Variants in C3orf52 observed in about 807,000 individuals in gnomAD.
C3orf52 encodes the protein chromosome 3 open reading frame 52.
C3orf52 carries 22 observed loss-of-function variants against 24.8 expected under a neutral mutation model. That is an observed-to-expected ratio of 0.89 (90% CI 0.63 to 1.27). The LOEUF (loss-of-function observed/expected upper bound fraction) is 1.27. Ranked by LOEUF, C3orf52 falls within the 50% of genes most tolerant of loss-of-function variation. The pLI, the probability that C3orf52 is intolerant of heterozygous loss-of-function variation, is 0.00. For missense variants in C3orf52, 265 were observed against 260.7 expected (o/e 1.02, Z -0.11); for synonymous variants, 93 against 100.2 (o/e 0.93, Z 0.43).
chr3:112,096,644 G>A (rs1049669539), intron 2 of C3orf52, among the ~76,000 whole-genome samples: 2 of 152,134 alleles, frequency 1.3e-5, no homozygotes, highest in African/African-American at 4.8e-5. Context: ...GACATAAAAT[G>A]GGACAGTGAA....
chr3:112,102,479 C>T (rs1326897694), intron 2 of C3orf52, among the ~76,000 whole-genome samples: 2 of 152,146 alleles, frequency 1.3e-5, no homozygotes, highest in Admixed American at 6.5e-5. Context: ...CCACCCCCAC[C>T]GTCTCCCAGT....
chr3:112,122,219 T>C (rs1275503695), downstream of C3orf52: 1 of 152,240 alleles, frequency 6.6e-6, no homozygotes, highest in Non-Finnish European at 1.5e-5. Context: ...GGCAGGTGTC[T>C]GCAAACTTTT....
chr3:112,125,521 T>C (rs1162105147), intron 4 of C3orf52, among the ~76,000 whole-genome samples: 2 of 152,094 alleles, frequency 1.3e-5, no homozygotes, highest in Non-Finnish European at 2.9e-5. Flanking sequence ...TTCCTCCAGC[T>C]CTCTTTCCCT....
At chr3:112,101,649 G>C (rs750382004) in intron 2 of C3orf52, among the ~76,000 whole-genome samples, 9 of 152,172 alleles carry the variant, frequency 5.9e-5, no homozygotes, top group Non-Finnish European at 1.3e-4. Context: ...CACATTCCTT[G>C]CTCGTAATGC....
chr3:112,093,299 G>A, intron 1 of C3orf52, 61 bp from the exon 2 acceptor site: 1 of 1,576,372 alleles, frequency 6.3e-7, no homozygotes, highest in East Asian at 2.3e-5. Context: ...CACATCCTAG[G>A]TATTCAGAAC....
intron 4 of C3orf52, chr3:112,109,885 T>C: frequency 3.0e-6 from 1 of 336,116 alleles, no homozygotes; most frequent in African/African-American, 2.1e-5. Flanking sequence ...AGGTAAACCA[T>C]TTCTGTTTAA....
At chr3:112,126,901 T>C in intron 4 of C3orf52, 4 of 933,440 alleles carry the variant, frequency 4.3e-6, no homozygotes, top group Non-Finnish European at 7.0e-6. Context: ...GAAATATGCC[T>C]AAGGGGCTTT....
intron 4 of C3orf52, among the ~76,000 whole-genome samples, chr3:112,125,505 G>A (rs1038392933): frequency 6.6e-6 from 1 of 152,040 alleles, no homozygotes; most frequent in Non-Finnish European, 1.5e-5. Context: ...AGGAAATCAC[G>A]ATTTCTTCCT....
downstream of C3orf52, chr3:112,129,075 T>C (rs1212216157): frequency 1.3e-5 from 2 of 152,216 alleles, no homozygotes; most frequent in Non-Finnish European, 2.9e-5. Flanking sequence ...ATCAAAGCCT[T>C]TGGGGCCCAG....
chr3:112,135,618 T>TA (rs36077125), downstream of C3orf52, among the ~76,000 whole-genome samples: 47,712 of 151,904 alleles, frequency 0.31, 8,178 homozygotes, highest in East Asian at 0.41. Flanking sequence ...TTCACTTTTC[T>TA]AAAAAAACAC....
downstream of C3orf52, chr3:112,121,882 A>G (rs1280016508): frequency 6.6e-6 from 1 of 152,260 alleles, no homozygotes. Flanking sequence ...AACAGTAACT[A>G]AACATAATGT....
At chr3:112,094,582 T>G (rs1336817782) in intron 2 of C3orf52, among the ~76,000 whole-genome samples, 1 of 152,224 alleles carries the variant, frequency 6.6e-6, no homozygotes, top group African/African-American at 2.4e-5. Flanking sequence ...TTTAGGATTT[T>G]GATATTATGT....
At chr3:112,098,312 A>G (rs2107778755) in intron 2 of C3orf52, among the ~76,000 whole-genome samples, 1 of 152,326 alleles carries the variant, frequency 6.6e-6, no homozygotes, top group Non-Finnish European at 1.5e-5. Context: ...TTCTGAGTCT[A>G]TAGAACTCCT....
chr3:112,099,081 T>TTC (rs974601124), intron 2 of C3orf52, among the ~76,000 whole-genome samples: 2 of 152,064 alleles, frequency 1.3e-5, no homozygotes, highest in East Asian at 1.9e-4. Context: ...TGTTTGCTCT[T>TTC]TCTCTCTCTC....
chr3:112,120,830 C>T (rs1170150241), downstream of C3orf52: 2 of 152,142 alleles, frequency 1.3e-5, no homozygotes, highest in African/African-American at 4.8e-5. Context: ...TACATACAGA[C>T]ATAGTGGGTA....
chr3:112,101,235 ATACAT>A (rs1284551762), intron 2 of C3orf52, among the ~76,000 whole-genome samples: 1 of 152,208 alleles, frequency 6.6e-6, no homozygotes, highest in African/African-American at 2.4e-5. Flanking sequence ...CAGCAAAAGG[ATACAT>A]TACATCAAAT....
chr3:112,105,539 C>CGTGTGTGTGTGTGTGTGT (rs3082397), intron 3 of C3orf52, among the ~76,000 whole-genome samples: 2 of 148,140 alleles, frequency 1.4e-5, no homozygotes, highest in African/African-American at 5.0e-5. Context: ...CTTCTTTGGC[C>CGTGTGTGTGTGTGTGTGT]GTGTGTGTGT....
At chr3:112,094,579 T>C (rs2073910116) in intron 2 of C3orf52, among the ~76,000 whole-genome samples, 2 of 152,242 alleles carry the variant, frequency 1.3e-5, no homozygotes, top group South Asian at 4.1e-4. Context: ...ACCTTTAGGA[T>C]TTTGATATTA....
chr3:112,092,586 C>A (rs1296354341), intron 1 of C3orf52, among the ~76,000 whole-genome samples: 1 of 152,166 alleles, frequency 6.6e-6, no homozygotes, highest in Non-Finnish European at 1.5e-5. Context: ...CTCTGAATTG[C>A]GTCTTTGAAA....
Sources: gnomAD v4.1 joint callset for allele counts (sites outside exome capture counted in the v4.1 genomes callset) on GRCh38, gnomAD v4.1.1 for gene constraint, MANE v1.5 for transcripts, NCBI Gene and HGNC (gene_info 2026-07-23, HGNC 2026-07-21) for gene names.